IQCM: variants seen among roughly 807,000 people sequenced by gnomAD.
IQCM encodes the protein IQ domain-containing protein M.
IQCM carries 45 observed loss-of-function variants against 57.6 expected under a neutral mutation model. The ratio of observed to expected loss-of-function variants is 0.78; its 90% CI spans 0.62 to 1.00. IQCM has a LOEUF of 1.00. IQCM is among the 50% of genes least tolerant of loss of function. The pLI, the probability that IQCM is intolerant of heterozygous loss-of-function variation, is 0.00. For synonymous variants in IQCM, 148 were observed against 158.9 expected, an observed-to-expected ratio of 0.93 and a Z score of 0.51; for missense variants, 468 against 511.6, an observed-to-expected ratio of 0.91 and a Z score of 0.82.
At chr4:149,455,189 C>T (rs929933411) in intron 12 of IQCM, among the ~76,000 whole-genome samples, 1 of 152,038 alleles carries the variant, frequency 6.6e-6, no homozygotes, top group African/African-American at 2.4e-5. Flanking sequence ...TGCTGTGTTG[C>T]ATTTGCCGCA....
intron 2 of IQCM, among the ~76,000 whole-genome samples, chr4:149,799,518 A>G (rs1339241786): frequency 6.6e-6 from 1 of 151,880 alleles, no homozygotes; most frequent in Non-Finnish European, 1.5e-5. Flanking sequence ...CTAATGAACA[A>G]AACAATACAA....
At chr4:149,453,490 A>G (rs1737355827) in intron 12 of IQCM, among the ~76,000 whole-genome samples, 1 of 151,950 alleles carries the variant, frequency 6.6e-6, no homozygotes, top group South Asian at 2.1e-4. Flanking sequence ...ATGGACTTGT[A>G]TAAGGAATAT....
intron 3 of IQCM, among the ~76,000 whole-genome samples, chr4:149,737,999 A>C (rs1393645429): frequency 6.6e-6 from 1 of 152,178 alleles, no homozygotes; most frequent in Non-Finnish European, 1.5e-5. Flanking sequence ...TAATATATTA[A>C]GTCACTGGTT....
At chr4:149,731,834 C>T (rs772442016) in intron 5 of IQCM, among the ~76,000 whole-genome samples, 12 of 151,982 alleles carry the variant, frequency 7.9e-5, no homozygotes, top group Admixed American at 2.6e-4. Flanking sequence ...ATAATCAATA[C>T]GAATCTCCAA....
At chr4:149,565,261 T>A (rs763814350) in intron 9 of IQCM, among the ~76,000 whole-genome samples, 3 of 152,152 alleles carry the variant, frequency 2.0e-5, no homozygotes, top group Non-Finnish European at 2.9e-5. Flanking sequence ...TGTTTTTGCA[T>A]ATTTTCTTAG....
intron 5 of IQCM, among the ~76,000 whole-genome samples, chr4:149,715,496 A>C (rs1449111866): frequency 2.0e-5 from 3 of 152,044 alleles, no homozygotes; most frequent in Non-Finnish European, 4.4e-5. Context: ...TGGCTTGGGG[A>C]GCTCCTAGGT....
intron 13 of IQCM, among the ~76,000 whole-genome samples, chr4:149,359,089 G>C (rs1354658333): frequency 1.3e-5 from 2 of 152,096 alleles, no homozygotes; most frequent in Admixed American, 6.5e-5. Flanking sequence ...CCCCAAAGCT[G>C]GTCCTTGGTT....
rs536959406 is a variant in IQCM at position 149,682,128 on chromosome 4, C to A, written c.555G>T (p.Leu185=). Residue 185 remains leucine, a synonymous_variant, in exon 7 of 14, where the codon CTG becomes CTT. Transcript: ENST00000636793. ...LQPGTSNLEL[L]KEPDKAFYDW... The stretch of plus-strand genomic sequence containing the variant: ...ATGTATAAGACTCACCAGGTTCTTT[C>A]AGAAGTTCCAAGTTAGAGGTCCCAG... The A allele has an allele frequency of 6.4e-4, 776 of 1,207,992 alleles. No individual in the cohort carries two copies. Among genetic ancestry groups the A allele is most frequent in the Non-Finnish European group, 7.8e-4 (758 of 966,578 alleles). 74.8% of individuals were successfully genotyped at this position (1,207,992 alleles called of 1,614,324 possible). A position where few individuals can be genotyped will look rare whatever the true frequency, so the allele number is the denominator to read the frequency against.
chr4:149,629,335 A>G (rs549875576), intron 7 of IQCM, among the ~76,000 whole-genome samples: 3 of 152,318 alleles, frequency 2.0e-5, no homozygotes, highest in East Asian at 3.9e-4. Context: ...AACAATAACC[A>G]GTTTGTTCTG....
At chr4:149,723,784 A>G (rs1182820470) in intron 5 of IQCM, among the ~76,000 whole-genome samples, 1 of 152,020 alleles carries the variant, frequency 6.6e-6, no homozygotes, top group African/African-American at 2.4e-5. Context: ...CTTTGGTACC[A>G]GGGTGATACT....
chr4:149,619,778 C>A (rs1324003750), intron 8 of IQCM, among the ~76,000 whole-genome samples: 5 of 152,066 alleles, frequency 3.3e-5, no homozygotes, highest in Non-Finnish European at 7.4e-5. Flanking sequence ...GGAAATAAGA[C>A]CTTTAAGGAG....
chr4:149,636,887 T>C (rs553831095), intron 7 of IQCM, among the ~76,000 whole-genome samples: 1 of 152,168 alleles, frequency 6.6e-6, no homozygotes, highest in African/African-American at 2.4e-5. Context: ...CTCACGCCTG[T>C]AATCCCAGCA....
intron 7 of IQCM, among the ~76,000 whole-genome samples, chr4:149,673,064 C>A (rs899508469): frequency 1.1e-4 from 17 of 152,104 alleles, no homozygotes; most frequent in African/African-American, 3.9e-4. Flanking sequence ...CCTTTACAGA[C>A]AAACAAAGGC....
intron 2 of IQCM, among the ~76,000 whole-genome samples, chr4:149,749,683 A>G (rs905569967): frequency 6.6e-6 from 1 of 152,192 alleles, no homozygotes; most frequent in Admixed American, 6.5e-5. Context: ...TTTTCTGATT[A>G]TATGTTATAA....
At chr4:149,672,278 GA>G (rs1290426124) in intron 7 of IQCM, among the ~76,000 whole-genome samples, 1 of 152,212 alleles carries the variant, frequency 6.6e-6, no homozygotes, top group Non-Finnish European at 1.5e-5. Flanking sequence ...GAATGACTTT[GA>G]CAGGTTGTGA....
intron 13 of IQCM, among the ~76,000 whole-genome samples, chr4:149,382,409 T>C (rs1442494153): frequency 6.6e-6 from 1 of 150,696 alleles, no homozygotes; most frequent in African/African-American, 2.4e-5. Context: ...TCTTCCAAAA[T>C]TTGGGGATGT....
At chr4:149,378,778 A>G (rs1378316729) in intron 13 of IQCM, among the ~76,000 whole-genome samples, 1 of 152,230 alleles carries the variant, frequency 6.6e-6, no homozygotes, top group African/African-American at 2.4e-5. Context: ...AGAAATTTGC[A>G]TAAGTAACAA....
rs150800232 is a variant in IQCM at position 149,480,887 on chromosome 4, A to G, written c.1229-47330T>C. Among the ~76,000 whole-genome samples, 713 of 152,216 alleles carry G rather than the reference A, an allele frequency of 4.7e-3. 4 individuals carry two copies. The highest frequency in any genetic ancestry group is 8.1e-3 in the Non-Finnish European group (551 of 67,976). ...ATTTACCTTCCCACAAATAGTGTACAAGGGTTCCTTAGCTCATCCTTGCTA... is the reference window on the plus strand; with the variant it reads ...ATTTACCTTCCCACAAATAGTGTACGAGGGTTCCTTAGCTCATCCTTGCTA... On this transcript the variant is annotated intron_variant, in intron 12 of 13. Coordinates refer to ENST00000636793, the MANE Select transcript of IQCM (RefSeq NM_001363507.2).
chr4:149,583,916 AAGT>A (rs1752436159), intron 9 of IQCM, among the ~76,000 whole-genome samples: 2 of 151,478 alleles, frequency 1.3e-5, no homozygotes, highest in Admixed American at 6.6e-5. Context: ...ATTAATAAAG[AAGT>A]AGTTGAAAAA....
Sources: allele counts gnomAD v4.1 joint callset (sites outside exome capture counted in the v4.1 genomes callset), GRCh38; gene constraint gnomAD v4.1.1; transcripts MANE v1.5; gene names NCBI Gene and HGNC (gene_info 2026-07-23, HGNC 2026-07-21).